The following FOXP1 variants were observed in gnomAD, a reference collection of about 807,000 sequenced individuals.
The protein encoded by FOXP1 is forkhead box P1.
A neutral mutation model predicts 98.2 loss-of-function variants in FOXP1; 15 were observed. The ratio of observed to expected loss-of-function variants is 0.15; its 90% CI spans 0.10 to 0.24. The LOEUF is 0.24. Among genes scored for constraint, FOXP1 ranks in the 10% least tolerant of loss-of-function variants. The pLI is 1.00. For synonymous variants in FOXP1, 371 were observed against 314.5 expected (o/e 1.18, Z -1.90); for missense variants, 633 against 848.5 (o/e 0.75, Z 3.15).
chr3:71,092,365 G>A (rs980877692), intron 7 of FOXP1, among the ~76,000 whole-genome samples: 2 of 151,966 alleles, frequency 1.3e-5, no homozygotes, highest in African/African-American at 4.8e-5. Flanking sequence ...GACAGAAGGA[G>A]GCTCCATCTC....
intron 2 of FOXP1, among the ~76,000 whole-genome samples, chr3:71,544,679 T>C (rs559456014): frequency 1.9e-4 from 29 of 152,218 alleles, no homozygotes; most frequent in Middle Eastern, 3.4e-3. Context: ...TGGTCATGCA[T>C]TAAAATAAGC....
chr3:70,973,985 C>T (rs2036956672), intron 17 of FOXP1, among the ~76,000 whole-genome samples: 1 of 152,006 alleles, frequency 6.6e-6, no homozygotes, highest in South Asian at 2.1e-4. Context: ...ATTCAAGCTA[C>T]ATAATGATTT....
At chr3:71,077,595 C>A (rs1455157007) in intron 7 of FOXP1, among the ~76,000 whole-genome samples, 1 of 152,146 alleles carries the variant, frequency 6.6e-6, no homozygotes, top group Non-Finnish European at 1.5e-5. Flanking sequence ...GTTCCCACTT[C>A]CCCGACTTCC....
chr3:71,382,010 GC>G (rs1258787784), intron 3 of FOXP1, among the ~76,000 whole-genome samples: 1 of 152,116 alleles, frequency 6.6e-6, no homozygotes, highest in Non-Finnish European at 1.5e-5. Flanking sequence ...CCCAGCTCAC[GC>G]CTGTAAATGC....
At chr3:71,425,351 C>T (rs1195197265) in intron 3 of FOXP1, among the ~76,000 whole-genome samples, 2 of 152,194 alleles carry the variant, frequency 1.3e-5, no homozygotes, top group Non-Finnish European at 2.9e-5. Flanking sequence ...GTCTCGAACT[C>T]CTGACCTCAA....
chr3:71,477,403 AG>A (rs1680255938), intron 3 of FOXP1, among the ~76,000 whole-genome samples: 1 of 152,218 alleles, frequency 6.6e-6, no homozygotes, highest in African/African-American at 2.4e-5. Context: ...TAAAATGAAA[AG>A]TCTGGGAATT....
intron 2 of FOXP1, among the ~76,000 whole-genome samples, chr3:71,520,299 A>G (rs1478251113): frequency 6.6e-6 from 1 of 152,210 alleles, no homozygotes; most frequent in African/African-American, 2.4e-5. Flanking sequence ...GAAGGAGTTC[A>G]CATTTTTAAA....
At chr3:71,245,139 A>G (rs941044374) in intron 5 of FOXP1, 3 of 152,136 alleles carry the variant, frequency 2.0e-5, no homozygotes, top group African/African-American at 4.8e-5. Context: ...CCTTTTGTGG[A>G]GTTGTACCGT....
chr3:71,369,717 T>C (rs939238124), intron 3 of FOXP1, among the ~76,000 whole-genome samples: 3 of 152,164 alleles, frequency 2.0e-5, no homozygotes, highest in Non-Finnish European at 4.4e-5. Context: ...ATATCCGGTG[T>C]AACCCCCTTT....
chr3:71,398,148 G>GT (rs2081678584), intron 3 of FOXP1, among the ~76,000 whole-genome samples: 1 of 152,126 alleles, frequency 6.6e-6, no homozygotes, highest in African/African-American at 2.4e-5. Context: ...ACAGAGCTTT[G>GT]TGTGTGCAAA....
chr3:71,534,357 A>C (rs1364421145), intron 2 of FOXP1, among the ~76,000 whole-genome samples: 3 of 151,882 alleles, frequency 2.0e-5, no homozygotes, highest in Non-Finnish European at 2.9e-5. Flanking sequence ...ACTCTGTCAA[A>C]AACAACAACA....
chr3:71,583,800 G>C (rs1300477070), upstream of FOXP1: 4 of 987,126 alleles, frequency 4.1e-6, no homozygotes, highest in East Asian at 3.4e-4. Context: ...AGCCCAGCCA[G>C]CGCCGGTGGC....
chr3:71,318,930 A>C lies in FOXP1; in HGVS notation c.-72-19050T>G, dbSNP rs556643877. Among the ~76,000 whole-genome samples the C allele has an allele frequency of 2.6e-5, 4 of 152,346 alleles. No individual in the cohort carries two copies. The East Asian group carries it at 5.8e-4, about 22-fold the overall frequency. On this transcript the variant is annotated intron_variant, in intron 4 of 20. Transcript: ENST00000649528. ...AAATTAACATGGTTACTGAGCGTAAAGATGTGTTCCATTAGGAAAGCACAC... is the reference window on the plus strand; with the variant it reads ...AAATTAACATGGTTACTGAGCGTAACGATGTGTTCCATTAGGAAAGCACAC...
At chr3:71,082,104 C>A (rs2054487119) in intron 7 of FOXP1, among the ~76,000 whole-genome samples, 1 of 151,682 alleles carries the variant, frequency 6.6e-6, no homozygotes, top group South Asian at 2.1e-4. Context: ...CATGGTGAAA[C>A]CTCATCTCTA....
intron 13 of FOXP1, among the ~76,000 whole-genome samples, 193 bp downstream of exon 13, chr3:71,000,779 C>T (rs2042018630): frequency 1.6e-5 from 2 of 122,500 alleles, no homozygotes; most frequent in Non-Finnish European, 3.1e-5. Context: ...GGGGCTGAAC[C>T]TGCCCAAAGA....
At chr3:71,111,953 A>AT (rs2057968300) in intron 7 of FOXP1, among the ~76,000 whole-genome samples, 2 of 152,090 alleles carry the variant, frequency 1.3e-5, no homozygotes, top group Non-Finnish European at 2.9e-5. Flanking sequence ...TCTTGATGCT[A>AT]TTGACATTCT....
At chr3:71,305,068 A>T (rs1187737864) in intron 4 of FOXP1, among the ~76,000 whole-genome samples, 1 of 152,138 alleles carries the variant, frequency 6.6e-6, no homozygotes, top group Non-Finnish European at 1.5e-5. Context: ...TACCCCCATC[A>T]TACCCCAGAA....
At chr3:71,104,075 T>C (rs1036324743) in intron 7 of FOXP1, among the ~76,000 whole-genome samples, 1 of 152,118 alleles carries the variant, frequency 6.6e-6, no homozygotes, top group Non-Finnish European at 1.5e-5. Flanking sequence ...AGGAAGAGTA[T>C]TTTACCACTT....
At chr3:70,977,151 G>C (rs1314502924) in intron 16 of FOXP1, 109 bp from the exon 17 acceptor site, 3 of 785,078 alleles carry the variant, frequency 3.8e-6, no homozygotes, top group African/African-American at 1.7e-5. Flanking sequence ...TAAATCCTGA[G>C]AAAGGTTTTA....
Sources: gnomAD v4.1 joint callset for allele counts (sites outside exome capture counted in the v4.1 genomes callset) on GRCh38, gnomAD v4.1.1 for gene constraint, MANE v1.5 for transcripts, NCBI Gene and HGNC (gene_info 2026-07-23, HGNC 2026-07-21) for gene names.